The following COL22A1 variants were observed in gnomAD, a reference collection of about 807,000 sequenced individuals.
The protein encoded by COL22A1 is collagen alpha-1(XXII) chain.
In COL22A1, 221 loss-of-function variants were observed where a neutral mutation model predicts 248.9. The ratio of observed to expected loss-of-function variants is 0.89; its 90% CI spans 0.80 to 0.99. The LOEUF is 0.99. Ranked by LOEUF, COL22A1 falls within the 50% of genes least tolerant of loss-of-function variation. The pLI, the probability that COL22A1 is intolerant of heterozygous loss-of-function variation, is 0.00. For synonymous variants in COL22A1, 891 were observed against 793.4 expected (o/e 1.12, Z -2.07); for missense variants, 2,240 against 2,179.0 (o/e 1.03, Z -0.56).
At chr8:138,621,097 A>T (rs1388486376) in intron 52 of COL22A1, among the ~76,000 whole-genome samples, 1 of 152,142 alleles carries the variant, frequency 6.6e-6, no homozygotes, top group African/African-American at 2.4e-5. Context: ...TGAGCAACTC[A>T]ACTTGAAGAG....
chr8:138,716,335 CA>C (rs1318849851), intron 28 of COL22A1, 46 bp from the exon 29 acceptor site: 1 of 1,353,114 alleles, frequency 7.4e-7, no homozygotes, highest in Non-Finnish European at 1.0e-6. Flanking sequence ...AAGGCTCTCC[CA>C]GGGGCCAAGC....
At chr8:138,740,527 G>A (rs1831469834) in intron 22 of COL22A1, among the ~76,000 whole-genome samples, 1 of 152,172 alleles carries the variant, frequency 6.6e-6, no homozygotes, top group South Asian at 2.1e-4. Context: ...TCAGGAAGGT[G>A]AACACCTAAG....
intron 1 of COL22A1, among the ~76,000 whole-genome samples, chr8:138,884,818 T>C (rs754873142): frequency 8.5e-5 from 13 of 152,216 alleles, no homozygotes; most frequent in Non-Finnish European, 1.5e-4. Context: ...GTTTCTGATC[T>C]TTCTCTGAAT....
intron 16 of COL22A1, among the ~76,000 whole-genome samples, chr8:138,775,378 C>A (rs554103011): frequency 3.9e-5 from 6 of 152,312 alleles, no homozygotes; most frequent in African/African-American, 1.2e-4. Context: ...ATCGGAGAAC[C>A]CTTCCACTGT....
intron 7 of COL22A1, among the ~76,000 whole-genome samples, chr8:138,818,405 G>A (rs995698722): frequency 1.3e-5 from 2 of 152,224 alleles, no homozygotes; most frequent in African/African-American, 4.8e-5. Context: ...AAGAAGGGTT[G>A]TGTTTGTGAC....
chr8:138,808,131 G>C (rs907275234), intron 9 of COL22A1, among the ~76,000 whole-genome samples: 2 of 152,214 alleles, frequency 1.3e-5, no homozygotes, highest in Non-Finnish European at 2.9e-5. Context: ...GAAACACCAA[G>C]AAGCAGAAGG....
chr8:138,595,491 A>G (rs1377423801), intron 62 of COL22A1, among the ~76,000 whole-genome samples: 1 of 152,158 alleles, frequency 6.6e-6, no homozygotes, highest in Non-Finnish European at 1.5e-5. Flanking sequence ...AGATCTACAC[A>G]CATGAGACCT....
chr8:138,894,214 T>C lies in COL22A1; in HGVS notation c.-72-10970A>G, dbSNP rs533364400. 1.3e-4 allele frequency among the ~76,000 whole-genome samples: 20 copies of C among 152,314 alleles called. No individual in the cohort carries two copies. In the South Asian group the frequency reaches 3.7e-3, roughly 28 times the overall value. On this transcript the variant is annotated intron_variant, in intron 1 of 64. Coordinates refer to ENST00000303045, the MANE Select transcript of COL22A1 (RefSeq NM_152888.3). ...GAGAAAAGGTTCAGACATGCTTGGA[T>C]AGCCCCTGGGGCCAGTGGATGTTTA...
chr8:138,877,187 G>A (rs764276984), intron 3 of COL22A1, among the ~76,000 whole-genome samples: 2 of 152,006 alleles, frequency 1.3e-5, no homozygotes, highest in Non-Finnish European at 2.9e-5. Context: ...GAGGGCACCA[G>A]GTCAACAGCA....
Position 138,623,713 on chromosome 8 carries a change from G to A in COL22A1, c.3771+19C>T. On this transcript the variant is annotated intron_variant, in intron 52 of 64. Transcript: ENST00000303045. The stretch of plus-strand genomic sequence containing the variant: ...ATAGATTTGGCATGTGATATAATAG[G>A]AAGTTTAGAGTCCTTTACCGGCTCT... 6.3e-7 allele frequency: 1 copy of A among 1,599,084 alleles called. No homozygotes were observed. Among genetic ancestry groups the A allele is most frequent in the African/African-American group, 1.4e-5 (1 of 74,010 alleles).
intron 64 of COL22A1, among the ~76,000 whole-genome samples, chr8:138,590,592 A>C (rs1317787292): frequency 2.6e-5 from 4 of 152,190 alleles, no homozygotes; most frequent in Non-Finnish European, 4.4e-5. Flanking sequence ...ATAAATATCC[A>C]CTTTAGAAAA....
chr8:138,879,281 G>C (rs1403051000), intron 2 of COL22A1, among the ~76,000 whole-genome samples: 1 of 152,138 alleles, frequency 6.6e-6, no homozygotes, highest in African/African-American at 2.4e-5. Flanking sequence ...AATTGATTTA[G>C]CAAGCGCTCT....
intron 15 of COL22A1, chr8:138,778,108 C>A (rs1310193996): frequency 1.0e-5 from 6 of 577,118 alleles, no homozygotes; most frequent in Admixed American, 5.8e-5. Context: ...CTGGGATCTA[C>A]CCTGCTTCTT....
intron 54 of COL22A1, 66 bp from the exon 55 acceptor site, chr8:138,616,120 G>A (rs1298264047): frequency 7.8e-6 from 10 of 1,289,696 alleles, no homozygotes; most frequent in Non-Finnish European, 1.1e-5. Flanking sequence ...TCAACCACAG[G>A]GGCACCTGAG....
At chr8:138,733,192 G>T (rs1196158204) in intron 23 of COL22A1, among the ~76,000 whole-genome samples, 1 of 152,120 alleles carries the variant, frequency 6.6e-6, no homozygotes, top group African/African-American at 2.4e-5. Context: ...GCACCAAGCC[G>T]CACTGCCTGC....
chr8:138,598,114 C>A (rs929831971), intron 61 of COL22A1, among the ~76,000 whole-genome samples: 2 of 152,090 alleles, frequency 1.3e-5, no homozygotes, highest in African/African-American at 4.8e-5. Context: ...TTTTATAGCC[C>A]GTGTATGCCT....
intron 7 of COL22A1, among the ~76,000 whole-genome samples, chr8:138,818,946 G>A: frequency 6.6e-6 from 1 of 152,174 alleles, no homozygotes; most frequent in East Asian, 1.9e-4. Flanking sequence ...AACAGTGTGT[G>A]ACGTGGGCGA....
chr8:138,673,493 G>T (rs1825232718), intron 41 of COL22A1, among the ~76,000 whole-genome samples: 1 of 152,160 alleles, frequency 6.6e-6, no homozygotes, highest in Non-Finnish European at 1.5e-5. Flanking sequence ...ACAGGCATGA[G>T]CCACCATGCC....
At chr8:138,626,058 C>G in intron 51 of COL22A1, 132 bp downstream of exon 51, 1 of 670,782 alleles carries the variant, frequency 1.5e-6, no homozygotes, top group Non-Finnish European at 2.4e-6. Context: ...TATTTTGTTT[C>G]TAATTTTCTA....
Sources: allele counts gnomAD v4.1 joint callset (sites outside exome capture counted in the v4.1 genomes callset), GRCh38; gene constraint gnomAD v4.1.1; transcripts MANE v1.5; gene names NCBI Gene and HGNC (gene_info 2026-07-23, HGNC 2026-07-21).